The following ATP13A3 variants were observed in gnomAD, a reference collection of about 807,000 sequenced individuals.
ATP13A3 encodes polyamine-transporting ATPase 13A3.
In ATP13A3, 59 loss-of-function variants were observed where a neutral mutation model predicts 158.1. The observed-to-expected ratio is 0.37, with a 90% CI of 0.30 to 0.46. ATP13A3 has a LOEUF of 0.46. ATP13A3 is among the 20% of genes least tolerant of loss of function. The probability of loss-of-function intolerance (pLI) is 1.00; values close to 1 mark genes in which losing one functional copy is unlikely to be tolerated. For missense variants in ATP13A3, 1,166 were observed against 1,525.2 expected (o/e 0.76, Z 3.92); for synonymous variants, 491 against 504.3 (o/e 0.97, Z 0.35).
intron 31 of ATP13A3, among the ~76,000 whole-genome samples, chr3:194,418,011 A>G (rs1577030824): frequency 4.6e-5 from 4 of 87,704 alleles, no homozygotes; most frequent in African/African-American, 4.7e-5. Flanking sequence ...GAGGGAGGAG[A>G]GGGGAGGCGG....
Position 194,486,925 on chromosome 3 carries a change from T to C in ATP13A3, c.-448A>G. On this transcript the variant is annotated 5_prime_UTR_variant, in exon 1 of 34. Coordinates refer to ENST00000645319, the MANE Select transcript of ATP13A3 (RefSeq NM_001367549.1). The stretch of plus-strand genomic sequence containing the variant: ...CCGCCAGCGACGTAGAGAACCCCCC[T>C]CCCCTCCGCGGCGGCGCCCGATCAC... 1 of 151,292 alleles carries C rather than the reference T, an allele frequency of 6.6e-6. No individual in the cohort carries two copies. Among genetic ancestry groups the C allele is most frequent in the Non-Finnish European group, 1.5e-5 (1 of 67,862 alleles). 9.4% of individuals were successfully genotyped at this position (151,292 alleles called of 1,614,324 possible).
intron 3 of ATP13A3, 53 bp downstream of exon 3, chr3:194,462,087 A>G (rs776370026): frequency 1.3e-6 from 2 of 1,561,200 alleles, no homozygotes; most frequent in Non-Finnish European, 8.8e-7. Context: ...AAAATAATAA[A>G]TTGCAGAGAT....
chr3:194,410,807 T>G (rs1223736018), intron 33 of ATP13A3, among the ~76,000 whole-genome samples: 1 of 151,996 alleles, frequency 6.6e-6, no homozygotes, highest in Non-Finnish European at 1.5e-5. Flanking sequence ...AAAATCGGAA[T>G]GTTTTCCTAG....
intron 2 of ATP13A3, among the ~76,000 whole-genome samples, chr3:194,462,857 T>C (rs1560107811): frequency 6.6e-6 from 1 of 152,212 alleles, no homozygotes. Context: ...GCATATTTCA[T>C]TAATTCATTT....
At chr3:194,423,300 C>T (rs950008354) in intron 30 of ATP13A3, among the ~76,000 whole-genome samples, 6 of 152,174 alleles carry the variant, frequency 3.9e-5, no homozygotes, top group Non-Finnish European at 8.8e-5. Flanking sequence ...ATTCCTTAAA[C>T]GCCTAAGGCT....
chr3:194,429,999 T>A, intron 26 of ATP13A3, 73 bp downstream of exon 26: 12 of 1,332,980 alleles, frequency 9.0e-6, no homozygotes, highest in Non-Finnish European at 1.1e-5. Flanking sequence ...CATGTTACTT[T>A]TTATGATAAT....
At chr3:194,469,099 C>A (rs1223560214) in intron 2 of ATP13A3, among the ~76,000 whole-genome samples, 1 of 151,562 alleles carries the variant, frequency 6.6e-6, no homozygotes, top group Non-Finnish European at 1.5e-5. Context: ...CGCCACTGCA[C>A]TCCAGCCAGC....
Position 194,430,176 on chromosome 3 carries a change from C to G in ATP13A3, c.2673G>C (p.Leu891Phe). 6.2e-7 allele frequency: 1 copy of G among 1,613,914 alleles called. No individual in the cohort carries two copies. Among genetic ancestry groups the G allele is most frequent in the Non-Finnish European group, 8.5e-7 (1 of 1,179,930 alleles). Residue 891 changes from leucine to phenylalanine, a missense_variant, in exon 26 of 34, where the codon TTG (leucine) becomes TTC (phenylalanine). Physicochemically the swap from Leu to Phe is conservative, Grantham distance 22. This residue lies in a region of ATP13A3 where 997 missense variants were observed against 1,341.2 expected (regional missense o/e 0.74). Coordinates refer to ENST00000645319, the MANE Select transcript of ATP13A3 (RefSeq NM_001367549.1). The stretch of plus-strand genomic sequence containing the variant: ...AGGAAATGCCTCCGTGTGCCCTCTT[C>G]AAAGCCTAATAATTTTAAGAAAACT... The part of the protein sequence containing the change: ...CGDGANDCGA[L>F]KRAHGGISLS...
intron 31 of ATP13A3, 127 bp from the exon 32 acceptor site, chr3:194,413,966 T>A: frequency 1.3e-6 from 1 of 783,350 alleles, no homozygotes; most frequent in Non-Finnish European, 2.2e-6. Flanking sequence ...ATTATCTACT[T>A]AATCCTCAAC....
At chr3:194,406,293 GGT>G (rs1385014963) in intron 33 of ATP13A3, among the ~76,000 whole-genome samples, 177 bp from the exon 34 acceptor site, 9 of 152,242 alleles carry the variant, frequency 5.9e-5, no homozygotes, top group African/African-American at 2.2e-4. Flanking sequence ...GGCCGGGCGT[GGT>G]GGCTCATGTC....
At chr3:194,472,270 C>CA (rs113128513) in intron 2 of ATP13A3, among the ~76,000 whole-genome samples, 12,728 of 144,328 alleles carry the variant, frequency 0.088, 1,259 homozygotes, top group African/African-American at 0.25. Context: ...GCACAGTAGC[C>CA]AAAAAAAAAA....
intron 2 of ATP13A3, among the ~76,000 whole-genome samples, chr3:194,473,536 T>C (rs1053193015): frequency 1.3e-5 from 2 of 150,000 alleles, no homozygotes; most frequent in East Asian, 1.9e-4. Context: ...GTCTTAGGAG[T>C]GAATCTGTCC....
chr3:194,417,736 G>A (rs1715969480), intron 31 of ATP13A3, among the ~76,000 whole-genome samples: 1 of 151,732 alleles, frequency 6.6e-6, no homozygotes, highest in African/African-American at 2.4e-5. Flanking sequence ...CCCAGGAGTT[G>A]GGGGTCAGAC....
chr3:194,445,119 GC>G (rs1157766994), intron 14 of ATP13A3, among the ~76,000 whole-genome samples: 1 of 152,142 alleles, frequency 6.6e-6, no homozygotes, highest in Non-Finnish European at 1.5e-5. Context: ...AATAAAGGAT[GC>G]CTATAAAGCA....
intron 15 of ATP13A3, among the ~76,000 whole-genome samples, chr3:194,442,672 T>G (rs946260751): frequency 1.2e-4 from 18 of 151,718 alleles, no homozygotes; most frequent in Admixed American, 3.9e-4. Flanking sequence ...AAGGCCATAA[T>G]GGAAGTAAAA....
intron 15 of ATP13A3, 89 bp downstream of exon 15, chr3:194,444,636 T>C (rs1327892722): frequency 1.8e-6 from 2 of 1,132,720 alleles, no homozygotes; most frequent in African/African-American, 3.2e-5. Flanking sequence ...AGGTACACAG[T>C]TGTCTATTAC....
chr3:194,433,668 T>A (rs1717412473), intron 21 of ATP13A3, 104 bp downstream of exon 21: 1 of 1,427,122 alleles, frequency 7.0e-7, no homozygotes, highest in Non-Finnish European at 9.5e-7. Context: ...TTGAAACCAC[T>A]ATAGACTATA....
chr3:194,416,467 A>G (rs113505875), intron 31 of ATP13A3, among the ~76,000 whole-genome samples: 17 of 151,848 alleles, frequency 1.1e-4, no homozygotes, highest in African/African-American at 4.1e-4. Flanking sequence ...CAAAAAAAAA[A>G]GCATTAGATA....
chr3:194,490,715 A>T (rs976021352), upstream of ATP13A3, among the ~76,000 whole-genome samples: 4 of 152,226 alleles, frequency 2.6e-5, no homozygotes, highest in African/African-American at 9.6e-5. This position sits in a 1 kb window ranked among gnomAD's most constrained non-coding sequence, Gnocchi z 4.4. Context: ...AATACTTTTA[A>T]AGGAAGAAGT....
Sources: gnomAD v4.1 joint callset for allele counts (sites outside exome capture counted in the v4.1 genomes callset) on GRCh38, gnomAD v4.1.1 for gene constraint, gnomAD v4.1.1 regional missense constraint, Gnocchi (gnomAD v3.1) non-coding constraint, MANE v1.5 for transcripts, NCBI Gene and HGNC (gene_info 2026-07-23, HGNC 2026-07-21) for gene names.